CNTLN: variants seen among roughly 807,000 people sequenced by gnomAD.
CNTLN encodes the protein centlein, also known as centlein, centrosomal protein.
A neutral mutation model predicts 180.0 loss-of-function variants in CNTLN; 212 were observed. That is an observed-to-expected ratio of 1.18 (90% CI 1.05 to 1.32). The LOEUF (loss-of-function observed/expected upper bound fraction) is 1.32. Among genes scored for constraint, CNTLN ranks in the 40% most tolerant of loss-of-function variants. The probability of loss-of-function intolerance (pLI) is 0.00; values close to 1 mark genes in which losing one functional copy is unlikely to be tolerated. For synonymous variants in CNTLN, 722 were observed against 563.1 expected (o/e 1.28, Z -3.99); for missense variants, 2,095 against 1,610.9 (o/e 1.30, Z -5.14).
intron 13 of CNTLN, among the ~76,000 whole-genome samples, chr9:17,377,382 A>T (rs1456184878): frequency 6.6e-6 from 1 of 152,136 alleles, no homozygotes; most frequent in Non-Finnish European, 1.5e-5. Flanking sequence ...CTCTACTAAA[A>T]ATACAGAAAT....
At chr9:17,144,842 T>A (rs1818339988) in intron 2 of CNTLN, among the ~76,000 whole-genome samples, 2 of 147,654 alleles carry the variant, frequency 1.4e-5, no homozygotes, top group Admixed American at 6.7e-5. Context: ...TTTTATTTTA[T>A]TTTTTTTTTT....
chr9:17,494,900 G>GTT, intron 25 of CNTLN: 1 of 169,704 alleles, frequency 5.9e-6, no homozygotes, highest in Non-Finnish European at 1.0e-5. Flanking sequence ...TTTTTTTTTG[G>GTT]TCACAGAGTC....
At chr9:17,305,562 A>ATTTTTTTTTTTGTTTTTTTT in intron 7 of CNTLN, among the ~76,000 whole-genome samples, 1 of 151,906 alleles carries the variant, frequency 6.6e-6, no homozygotes. Context: ...ATGGAATGAG[A>ATTTTTTTTTTTGTTTTTTTT]ATAAGATGGA....
At chr9:17,300,389 C>G (rs1356534968) in intron 7 of CNTLN, 2 of 152,106 alleles carry the variant, frequency 1.3e-5, no homozygotes, top group Non-Finnish European at 2.9e-5. Flanking sequence ...AAGAGTATAT[C>G]TAATTGCCTA....
At chr9:17,228,040 C>G (rs1017020211) in intron 3 of CNTLN, among the ~76,000 whole-genome samples, 1 of 152,024 alleles carries the variant, frequency 6.6e-6, no homozygotes, top group Non-Finnish European at 1.5e-5. Flanking sequence ...CCCCAAGATT[C>G]AGGCGATTTG....
intron 23 of CNTLN, among the ~76,000 whole-genome samples, chr9:17,475,739 G>C (rs1832300321): frequency 6.6e-6 from 1 of 151,942 alleles, no homozygotes; most frequent in Admixed American, 6.6e-5. Flanking sequence ...TGGGCATGGT[G>C]GTGGGCACCT....
intron 5 of CNTLN, among the ~76,000 whole-genome samples, chr9:17,265,002 T>G (rs1053833787): frequency 2.1e-5 from 3 of 145,010 alleles, no homozygotes; most frequent in Non-Finnish European, 4.5e-5. Context: ...ACAATTTGAC[T>G]TCCTCTTTTC....
intron 8 of CNTLN, among the ~76,000 whole-genome samples, chr9:17,312,365 T>TATAATATATATATATATATA (rs1563984875): frequency 6.2e-3 from 45 of 7,210 alleles, no homozygotes; most frequent in African/African-American, 9.9e-3. Flanking sequence ...ATATATATAT[T>TATAATATATATATATATATA]ATATATATAT....
chr9:17,427,189 G>C (rs1829141142), intron 18 of CNTLN, among the ~76,000 whole-genome samples: 1 of 151,888 alleles, frequency 6.6e-6, no homozygotes, highest in South Asian at 2.1e-4. Context: ...TTTCCATGCA[G>C]CAGGTGCTAC....
At chr9:17,412,492 A>T (rs898434827) in intron 16 of CNTLN, among the ~76,000 whole-genome samples, 1 of 152,208 alleles carries the variant, frequency 6.6e-6, no homozygotes, top group Non-Finnish European at 1.5e-5. Context: ...TGTTGGTGTG[A>T]AATTGATACA....
At chr9:17,326,052 C>G (rs1273336314) in intron 8 of CNTLN, among the ~76,000 whole-genome samples, 2 of 151,990 alleles carry the variant, frequency 1.3e-5, no homozygotes, top group Non-Finnish European at 2.9e-5. Flanking sequence ...GCCCTTCCCC[C>G]ATGCCTTCTA....
intron 7 of CNTLN, among the ~76,000 whole-genome samples, chr9:17,303,614 T>C (rs1818516593): frequency 6.6e-6 from 1 of 152,156 alleles, no homozygotes; most frequent in South Asian, 2.1e-4. Context: ...TTGTGAATGA[T>C]CACATTGCCT....
At position 17,388,712 on chromosome 9, in the gene CNTLN, T is replaced by TAAAA. The variant is rs1564060145; in HGVS notation, c.2079+459_2079+460insAAAA. ...TTAAACATGAAAATATACGTGACTC[T>TAAAA]TCTCATTTTAGATAAAAATTTATAC... On this transcript the variant is annotated intron_variant, in intron 14 of 25. Transcript: ENST00000380647. Among the ~76,000 whole-genome samples the TAAAA allele has an allele frequency of 1.2e-4, 18 of 151,820 alleles. No homozygotes were observed. The East Asian group carries it at 3.5e-3, about 29-fold the overall frequency.
chr9:17,212,140 A>C (rs1163473754), intron 2 of CNTLN, among the ~76,000 whole-genome samples: 2 of 152,202 alleles, frequency 1.3e-5, no homozygotes, highest in Non-Finnish European at 1.5e-5. Flanking sequence ...GCCAGTTTTC[A>C]AAGGGAATGC....
intron 14 of CNTLN, among the ~76,000 whole-genome samples, chr9:17,391,719 A>G (rs771473405): frequency 2.0e-4 from 31 of 152,220 alleles, no homozygotes; most frequent in Non-Finnish European, 3.5e-4. Flanking sequence ...TATTCAGCAC[A>G]AGTAATTATA....
intron 5 of CNTLN, among the ~76,000 whole-genome samples, chr9:17,256,808 T>A (rs1186562306): frequency 1.3e-5 from 2 of 151,844 alleles, no homozygotes; most frequent in Non-Finnish European, 2.9e-5. Flanking sequence ...CTGGCCTGTT[T>A]CGATATTTGA....
intron 6 of CNTLN, among the ~76,000 whole-genome samples, chr9:17,290,745 A>G (rs1183460611): frequency 7.3e-5 from 11 of 151,590 alleles, no homozygotes; most frequent in Admixed American, 2.6e-4. Context: ...GAAAAGCGCA[A>G]TATTCGGGTG....
intron 5 of CNTLN, among the ~76,000 whole-genome samples, chr9:17,269,729 GT>G (rs1324951665): frequency 5.9e-5 from 9 of 152,002 alleles, no homozygotes; most frequent in African/African-American, 1.9e-4. Flanking sequence ...TGTATATTCT[GT>G]TGTTGTTGAG....
chr9:17,526,639 A>G, the CNTLN span, among the ~76,000 whole-genome samples: 1 of 152,206 alleles, frequency 6.6e-6, no homozygotes, highest in Non-Finnish European at 1.5e-5. Context: ...TGTAATGGGA[A>G]TCATTTGAAA....
Sources: allele counts gnomAD v4.1 joint callset (sites outside exome capture counted in the v4.1 genomes callset), GRCh38; gene constraint gnomAD v4.1.1; transcripts MANE v1.5; gene names NCBI Gene and HGNC (gene_info 2026-07-23, HGNC 2026-07-21).